The following NCR1 variants were observed in gnomAD, a reference collection of about 807,000 sequenced individuals.
NCR1 encodes natural cytotoxicity triggering receptor 1, also known as NK cell-activating receptor.
Under a neutral mutation model 32.5 loss-of-function variants are expected in NCR1, and 30 were observed. The observed-to-expected ratio is 0.92, with a 90% CI of 0.69 to 1.25. The LOEUF is 1.25. Ranked by LOEUF, NCR1 falls within the 50% of genes most tolerant of loss-of-function variation. The pLI is 0.00. For synonymous variants in NCR1, 169 were observed against 143.4 expected, an observed-to-expected ratio of 1.18 and a Z score of -1.28; for missense variants, 369 against 380.7, an observed-to-expected ratio of 0.97 and a Z score of 0.26.
At chr19:54,913,345 C>T (rs981069312), downstream of NCR1, among the ~76,000 whole-genome samples, 1 of 152,262 alleles carries the variant, frequency 6.6e-6, no homozygotes, top group South Asian at 2.1e-4. Context: ...TAAGCCGCTG[C>T]GCCCAGCCAC....
upstream of NCR1, among the ~76,000 whole-genome samples, chr19:54,903,511 C>T (rs1249824003): frequency 8.0e-6 from 1 of 124,708 alleles, no homozygotes; most frequent in Non-Finnish European, 1.7e-5. Context: ...TGTATACACG[C>T]ATACATGTGT....
chr19:54,927,497 G>C, the NCR1 span: 2 of 1,052,300 alleles, frequency 1.9e-6, no homozygotes, highest in Admixed American at 1.9e-5. Context: ...CAGAGGTTGC[G>C]GTGAGCCAAG....
At chr19:54,925,561 T>C in the NCR1 span, among the ~76,000 whole-genome samples, 1 of 152,162 alleles carries the variant, frequency 6.6e-6, no homozygotes, top group Non-Finnish European at 1.5e-5. Flanking sequence ...ATCCGGGTAC[T>C]TTGTGAGGCC....
chr19:54,908,140 C>T (rs1330461966), intron 3 of NCR1, among the ~76,000 whole-genome samples: 1 of 152,088 alleles, frequency 6.6e-6, no homozygotes, highest in Non-Finnish European at 1.5e-5. Flanking sequence ...CTGCGGCCTT[C>T]CGCAGTGTTT....
At chr19:54,930,192 C>G in the NCR1 span, among the ~76,000 whole-genome samples, 2 of 151,238 alleles carry the variant, frequency 1.3e-5, no homozygotes, top group East Asian at 3.9e-4. Context: ...TGAGGCCAGG[C>G]ATGATGGCTC....
At chr19:54,923,143 C>T in the NCR1 span, among the ~76,000 whole-genome samples, 2 of 152,150 alleles carry the variant, frequency 1.3e-5, no homozygotes, top group South Asian at 4.1e-4. Flanking sequence ...CCATGGCCCA[C>T]GAGCTGTTTC....
intron 3 of NCR1, among the ~76,000 whole-genome samples, chr19:54,908,577 C>A (rs972641663): frequency 3.3e-5 from 5 of 151,966 alleles, no homozygotes; most frequent in African/African-American, 7.2e-5. Context: ...GCAGAGGCGC[C>A]CCCCCACCTC....
At chr19:54,928,935 T>G in the NCR1 span, among the ~76,000 whole-genome samples, 1 of 151,994 alleles carries the variant, frequency 6.6e-6, no homozygotes, top group Non-Finnish European at 1.5e-5. Context: ...CCCGAGAATC[T>G]AGGATTACAG....
rs1321428353 is a variant in NCR1, at chr19:54,913,019, A to G, written c.*148A>G. ...CATTCCATTTGTCAGAGCATCCCGGACGATGCAGAGGGTGGGAGAACTACA... is the reference window on the plus strand; with the variant it reads ...CATTCCATTTGTCAGAGCATCCCGGGCGATGCAGAGGGTGGGAGAACTACA... On this transcript the variant is annotated 3_prime_UTR_variant, in exon 7 of 7. Coordinates refer to ENST00000291890, the MANE Select transcript of NCR1 (RefSeq NM_004829.7). 2.9e-6 allele frequency: 2 copies of G among 690,820 alleles called. No homozygotes were observed. The highest frequency in any genetic ancestry group is 1.8e-5 in the African/African-American group (1 of 54,892). The allele number at this position is 690,820 out of a possible 1,614,324, so 42.8% of individuals were successfully genotyped here. A position where few individuals can be genotyped will look rare whatever the true frequency, so the allele number is the denominator to read the frequency against.
the NCR1 span, among the ~76,000 whole-genome samples, chr19:54,925,075 G>C: frequency 6.6e-6 from 1 of 152,126 alleles, no homozygotes; most frequent in Non-Finnish European, 1.5e-5. Flanking sequence ...GTGAACATGA[G>C]GGGTGGTGAT....
At chr19:54,917,916 A>G (rs2068167092), downstream of NCR1, among the ~76,000 whole-genome samples, 1 of 152,106 alleles carries the variant, frequency 6.6e-6, no homozygotes, top group South Asian at 2.1e-4. Flanking sequence ...CTCCAGTCTC[A>G]GCCTACGTAA....
At chr19:54,914,658 C>T (rs534118954), downstream of NCR1, among the ~76,000 whole-genome samples, 3 of 152,076 alleles carry the variant, frequency 2.0e-5, no homozygotes, top group South Asian at 6.2e-4. Context: ...GCTTCTTTAT[C>T]CACACCTTGC....
chr19:54,910,111 C>G, intron 5 of NCR1, 46 bp downstream of exon 5: 1 of 1,563,740 alleles, frequency 6.4e-7, no homozygotes, highest in Non-Finnish European at 8.8e-7. Context: ...TCAGAGCCTC[C>G]CAGTGACACT....
upstream of NCR1, among the ~76,000 whole-genome samples, chr19:54,903,065 G>T (rs2067328892): frequency 6.6e-6 from 1 of 151,900 alleles, no homozygotes; most frequent in African/African-American, 2.4e-5. Flanking sequence ...AGGAGGTGAA[G>T]GTTGCAGTGA....
chr19:54,906,976 C>T (rs1005135648), intron 3 of NCR1, among the ~76,000 whole-genome samples, 169 bp downstream of exon 3: 3 of 152,058 alleles, frequency 2.0e-5, no homozygotes, highest in Non-Finnish European at 4.4e-5. Context: ...GTCTGCAGAC[C>T]GTGTCTCTAC....
the NCR1 span, chr19:54,937,920 AAG>A: frequency 1.4e-5 from 11 of 779,230 alleles, no homozygotes; most frequent in African/African-American, 3.5e-5. Context: ...AAAAAAAAAA[AAG>A]ACAGCTGGAA....
chr19:54,937,731 G>C, the NCR1 span, among the ~76,000 whole-genome samples: 66,465 of 151,474 alleles, frequency 0.44, 16,001 homozygotes, highest in African/African-American at 0.64. Flanking sequence ...AAACCTGTCT[G>C]TGCTAAAAGT....
At chr19:54,936,898 G>C in the NCR1 span, among the ~76,000 whole-genome samples, 3 of 143,940 alleles carry the variant, frequency 2.1e-5, no homozygotes, top group Non-Finnish European at 3.0e-5. Context: ...CTGGGCAACA[G>C]AGCAAGACTC....
chr19:54,919,680 A>G, downstream of NCR1, among the ~76,000 whole-genome samples: 1 of 149,680 alleles, frequency 6.7e-6, no homozygotes, highest in East Asian at 2.1e-4. Context: ...GTGGAGGAGC[A>G]GAGTCTTCTC....
Sources: gnomAD v4.1 joint callset for allele counts (sites outside exome capture counted in the v4.1 genomes callset) on GRCh38, gnomAD v4.1.1 for gene constraint, MANE v1.5 for transcripts, NCBI Gene and HGNC (gene_info 2026-07-23, HGNC 2026-07-21) for gene names.